Variants in KCNT2 observed in about 807,000 individuals in gnomAD.
KCNT2 encodes the protein potassium channel subfamily T member 2.
In KCNT2, 67 loss-of-function variants were observed where a neutral mutation model predicts 153.8. The observed-to-expected ratio is 0.44, with a 90% confidence interval of 0.36 to 0.53. KCNT2 has a LOEUF of 0.53. Among genes scored for constraint, KCNT2 ranks in the 20% least tolerant of loss-of-function variants. The probability of loss-of-function intolerance (pLI) is 0.00; values close to 1 mark genes in which losing one functional copy is unlikely to be tolerated. For synonymous variants in KCNT2, 500 were observed against 458.8 expected (o/e 1.09, Z -1.15); for missense variants, 975 against 1,354.8 (o/e 0.72, Z 4.40).
chr1:196,294,776 C>T (rs552051576), intron 22 of KCNT2, among the ~76,000 whole-genome samples: 9 of 150,568 alleles, frequency 6.0e-5, no homozygotes, highest in Middle Eastern at 3.5e-3. Flanking sequence ...ATCAGATTAA[C>T]GGATAAAGAA....
At position 196,551,771 on chromosome 1, in the gene KCNT2, C is replaced by G. The variant is rs1657938583; in HGVS notation, c.95+56444G>C. ...AATCATGACCTGAAAAAAATGTTTC[C>G]TTTCTCAATTACATTCACTTACAGA... On this transcript the variant is annotated intron_variant, in intron 1 of 27. Coordinates refer to ENST00000294725, the MANE Select transcript of KCNT2 (RefSeq NM_198503.5). 4.6e-5 allele frequency among the ~76,000 whole-genome samples: 7 copies of G among 151,444 alleles called. No individual in the cohort carries two copies. The Admixed American group carries it at 4.6e-4, about 10-fold the overall frequency.
At chr1:196,443,811 A>T (rs1675451054) in intron 8 of KCNT2, among the ~76,000 whole-genome samples, 1 of 151,554 alleles carries the variant, frequency 6.6e-6, no homozygotes, top group Admixed American at 6.6e-5. Context: ...GCACAGAACT[A>T]TTGACACTTG....
intron 13 of KCNT2, among the ~76,000 whole-genome samples, chr1:196,377,561 G>T (rs1468058999): frequency 1.3e-5 from 2 of 151,804 alleles, no homozygotes; most frequent in Non-Finnish European, 2.9e-5. Context: ...GGTTGAAAAG[G>T]GCAAGTATAC....
At position 196,305,163 on chromosome 1, in the gene KCNT2, T is replaced by A. The variant is rs551064118; in HGVS notation, c.2595+71A>T. The stretch of plus-strand genomic sequence containing the variant: ...TTTTACTATCTCATGGCATTTTTTT[T>A]ATATATTTACAGAGTTAATTTCTGA... On this transcript the variant is annotated intron_variant, in intron 22 of 27. Coordinates refer to ENST00000294725, the MANE Select transcript of KCNT2 (RefSeq NM_198503.5). 1.1e-3 allele frequency: 1,005 copies of A among 877,908 alleles called. 1 individual carries two copies. Among genetic ancestry groups the A allele is most frequent in the African/African-American group, 1.6e-3 (95 of 58,866 alleles). The allele number at this position is 877,908 out of a possible 1,614,324, so 54.4% of individuals were successfully genotyped here.
chr1:196,363,538 G>A (rs766787866), intron 14 of KCNT2, among the ~76,000 whole-genome samples: 3 of 152,090 alleles, frequency 2.0e-5, no homozygotes, highest in African/African-American at 4.8e-5. Context: ...GGGAGGTGGG[G>A]CCTAATAAGG....
intron 16 of KCNT2, 54 bp from the exon 17 acceptor site, chr1:196,334,114 G>C: frequency 9.4e-7 from 1 of 1,066,430 alleles, no homozygotes; most frequent in Non-Finnish European, 1.4e-6. Flanking sequence ...TTGATCACTA[G>C]TGTTGAAGGT....
At chr1:196,583,300 C>T (rs10922088) in intron 1 of KCNT2, among the ~76,000 whole-genome samples, 37,474 of 152,002 alleles carry the variant, frequency 0.25, 5,715 homozygotes, top group Admixed American at 0.37. Context: ...TGGCTGGTTG[C>T]ATGTTGGTAC....
At position 196,540,316 on chromosome 1, in the gene KCNT2, G is replaced by A. The variant is rs145190697; in HGVS notation, c.96-47975C>T. ...ATTCCAAAGGAAATTGACTAAAATT[G>A]CAAAGTTAAAACTTAAATTATAAAC... On this transcript the variant is annotated intron_variant, in intron 1 of 27. Transcript: ENST00000294725. 1.3e-3 allele frequency among the ~76,000 whole-genome samples: 200 copies of A among 152,234 alleles called. 3 individuals carry two copies. In the East Asian group the frequency reaches 0.037, roughly 28 times the overall value.
At chr1:196,487,301 A>T (rs1424177264) in intron 3 of KCNT2, among the ~76,000 whole-genome samples, 1 of 151,940 alleles carries the variant, frequency 6.6e-6, no homozygotes, top group East Asian at 1.9e-4. Flanking sequence ...TGCCTTCTCC[A>T]AGCTCTCTTT....
chr1:196,281,939 C>T lies in KCNT2; in HGVS notation c.2781+334G>A, dbSNP rs540545917. Among the ~76,000 whole-genome samples the T allele has an allele frequency of 1.3e-3, 190 of 151,716 alleles. 1 individual carries two copies. Among genetic ancestry groups the T allele is most frequent in the African/African-American group, 4.3e-3 (177 of 41,346 alleles). ...TAATTTTTTGTATTTTTAGTGGAGA[C>T]GGGGTTTCACTGTGTTAGCCAGGAT... On this transcript the variant is annotated intron_variant, in intron 24 of 27. Transcript: ENST00000294725.
At position 196,401,903 on chromosome 1, in the gene KCNT2, T is replaced by TA. The variant is rs989129729; in HGVS notation, c.1186-3233dup. On this transcript the variant is annotated intron_variant, in intron 12 of 27. Transcript: ENST00000294725. ...CCTAGCCACATTGTATTCAAACTGT[T>TA]AAAAAACAAAAATAAAGACAAAATC... is the stretch of plus-strand genomic sequence containing the variant. 1.3e-4 allele frequency among the ~76,000 whole-genome samples: 19 copies of TA among 151,348 alleles called. No individual in the cohort carries two copies. The Middle Eastern group carries it at 0.017, about 135-fold the overall frequency.
At chr1:196,505,807 G>A (rs2148780560) in intron 1 of KCNT2, among the ~76,000 whole-genome samples, 1 of 152,144 alleles carries the variant, frequency 6.6e-6, no homozygotes, top group African/African-American at 2.4e-5. Context: ...CACGTCCCTT[G>A]TAAGTTGGAT....
intron 13 of KCNT2, among the ~76,000 whole-genome samples, chr1:196,379,721 C>T (rs1444379099): frequency 2.0e-5 from 3 of 152,102 alleles, no homozygotes; most frequent in Admixed American, 6.6e-5. Context: ...TCTTTCTTCA[C>T]TATTGCTTGT....
chr1:196,430,563 G>A (rs1558281580), intron 8 of KCNT2, among the ~76,000 whole-genome samples: 1 of 151,858 alleles, frequency 6.6e-6, no homozygotes, highest in Non-Finnish European at 1.5e-5. Context: ...AATATAAGCC[G>A]ATACGCTTCC....
chr1:196,467,659 G>C (rs944869844), intron 7 of KCNT2, 44 bp downstream of exon 7: 7 of 1,248,778 alleles, frequency 5.6e-6, no homozygotes, highest in Admixed American at 5.4e-5. Context: ...AATAAGAAAT[G>C]GTTTAAAAAT....
intron 25 of KCNT2, among the ~76,000 whole-genome samples, chr1:196,261,297 C>T (rs1047243542): frequency 3.3e-5 from 5 of 151,806 alleles, no homozygotes; most frequent in Non-Finnish European, 7.4e-5. Context: ...TACCAGTTTG[C>T]CTTCTTGGTT....
chr1:196,493,042 T>C (rs1679974496), intron 1 of KCNT2, among the ~76,000 whole-genome samples: 1 of 152,166 alleles, frequency 6.6e-6, no homozygotes, highest in Non-Finnish European at 1.5e-5. Context: ...AGCAGTACTT[T>C]AATAAATACT....
rs753746583 is a variant in KCNT2 at position 196,608,207 on chromosome 1, C to T, written c.95+8G>A. On this transcript the variant is annotated splice_region_variant and intron_variant, in intron 1 of 27. Coordinates refer to ENST00000294725, the MANE Select transcript of KCNT2 (RefSeq NM_198503.5). ...ATTTACAGAACAATCCTCCACCACA[C>T]CACTCACCTGTCGTCGTTTTGCCAT... 5.0e-6 allele frequency: 8 copies of T among 1,612,946 alleles called. No individual in the cohort carries two copies. The African/African-American group carries it at 1.1e-4, about 22-fold the overall frequency.
At chr1:196,317,434 C>T (rs1572016959) in intron 20 of KCNT2, among the ~76,000 whole-genome samples, 1 of 151,528 alleles carries the variant, frequency 6.6e-6, no homozygotes, top group African/African-American at 2.4e-5. Context: ...TATTAAAGTA[C>T]ATTAAAAAAG....
Sources: allele counts gnomAD v4.1 joint callset (sites outside exome capture counted in the v4.1 genomes callset), GRCh38; gene constraint gnomAD v4.1.1; transcripts MANE v1.5; gene names NCBI Gene and HGNC (gene_info 2026-07-23, HGNC 2026-07-21).